ATP6V1E1: variants seen among roughly 807,000 people sequenced by gnomAD.
The protein encoded by ATP6V1E1 is V-type proton ATPase subunit E 1.
In ATP6V1E1, 21 loss-of-function variants were observed where a neutral mutation model predicts 35.2. That is an observed-to-expected ratio of 0.60 (90% CI 0.42 to 0.86). ATP6V1E1 has a LOEUF of 0.86. ATP6V1E1 is among the 40% of genes least tolerant of loss of function. The probability of loss-of-function intolerance (pLI) is 0.00; values close to 1 mark genes in which losing one functional copy is unlikely to be tolerated. For missense variants in ATP6V1E1, 183 were observed against 272.6 expected (o/e 0.67, Z 2.32); for synonymous variants, 83 against 87.8 (o/e 0.95, Z 0.30).
intron 7 of ATP6V1E1, among the ~76,000 whole-genome samples, chr22:17,596,351 G>A (rs1360279600): frequency 7.2e-5 from 11 of 152,098 alleles, no homozygotes; most frequent in Non-Finnish European, 1.3e-4. Context: ...GAACTGTGGC[G>A]AGGGCCTGGA....
chr22:17,592,318 A>T lies in ATP6V1E1; in HGVS notation c.*356T>A. 4.1e-6 allele frequency: 1 copy of T among 246,490 alleles called. No homozygotes were observed. Among genetic ancestry groups the T allele is most frequent in the Non-Finnish European group, 8.0e-6 (1 of 125,436 alleles). 15.3% of individuals were successfully genotyped at this position (246,490 alleles called of 1,614,324 possible). A position where few individuals can be genotyped will look rare whatever the true frequency, so the allele number is the denominator to read the frequency against. On this transcript the variant is annotated 3_prime_UTR_variant, in exon 9 of 9. Transcript: ENST00000253413. Reference sequence around the variant, plus strand: ...GTGTGCCACATGCGCCTTAAGCCTCAAGAGTGGGGACTGCAGGGCCAAACA... The same window carrying T: ...GTGTGCCACATGCGCCTTAAGCCTCTAGAGTGGGGACTGCAGGGCCAAACA...
intron 4 of ATP6V1E1, among the ~76,000 whole-genome samples, chr22:17,609,470 T>TTC (rs1184953215): frequency 9.1e-6 from 1 of 109,342 alleles, no homozygotes; most frequent in East Asian, 2.2e-4. Context: ...TGCTCTTTTT[T>TTC]TTTTTTTTTT....
chr22:17,603,767 T>C (rs1395834444), intron 4 of ATP6V1E1, among the ~76,000 whole-genome samples: 2 of 152,166 alleles, frequency 1.3e-5, no homozygotes, highest in Non-Finnish European at 2.9e-5. Context: ...TCCCAAACAT[T>C]TCAGATAAGG....
chr22:17,599,730 G>A (rs1056844941), intron 6 of ATP6V1E1, among the ~76,000 whole-genome samples: 29 of 151,648 alleles, frequency 1.9e-4, no homozygotes, highest in Admixed American at 4.6e-4. Flanking sequence ...GACCAGCCTG[G>A]CCAACATGGT....
At chr22:17,594,134 G>A (rs1411788384) in intron 8 of ATP6V1E1, among the ~76,000 whole-genome samples, 1 of 152,036 alleles carries the variant, frequency 6.6e-6, no homozygotes, top group Non-Finnish European at 1.5e-5. Flanking sequence ...CCTGGGAGGT[G>A]GAAGTTGCAG....
At chr22:17,595,920 G>A (rs2057729616) in intron 7 of ATP6V1E1, among the ~76,000 whole-genome samples, 1 of 151,938 alleles carries the variant, frequency 6.6e-6, no homozygotes, top group African/African-American at 2.4e-5. Flanking sequence ...CACGACATCA[G>A]GAGATTGAGA....
intron 7 of ATP6V1E1, among the ~76,000 whole-genome samples, chr22:17,596,045 T>C (rs1049248705): frequency 1.3e-5 from 2 of 151,894 alleles, no homozygotes; most frequent in African/African-American, 4.8e-5. Context: ...GGCAGGAGAA[T>C]GGTGTGAACC....
In ATP6V1E1 at chr22:17,593,056, G is replaced by A. The variant is rs891271178; in HGVS notation, c.619-320C>T. ...ACCCGCCTCGGCCTCCCACAGTGCT[G>A]GGATTACAGGCGTGAGCCACCAAGC... On this transcript the variant is annotated intron_variant, in intron 8 of 8. Coordinates refer to ENST00000253413, the MANE Select transcript of ATP6V1E1 (RefSeq NM_001696.4). Among the ~76,000 whole-genome samples, 7 of 152,174 alleles carry A rather than the reference G, an allele frequency of 4.6e-5. No individual in the cohort carries two copies. In the East Asian group the frequency reaches 1.4e-3, roughly 29 times the overall value.
chr22:17,619,534 G>GA lies in ATP6V1E1; in HGVS notation c.34-9dup, dbSNP rs771353650. 6.4e-7 allele frequency: 1 copy of GA among 1,567,142 alleles called. No individual in the cohort carries two copies. Among genetic ancestry groups the GA allele is most frequent in the Non-Finnish European group, 8.6e-7 (1 of 1,160,546 alleles). On this transcript the variant is annotated splice_polypyrimidine_tract_variant and intron_variant, in intron 1 of 8. Coordinates refer to ENST00000253413, the MANE Select transcript of ATP6V1E1 (RefSeq NM_001696.4). ...AGCCATCATATGCTTTATCTATAAG[G>GA]AAAAAAAGTTTTATTTTTTAGTTCA...
rs2057824310 is a variant in ATP6V1E1, at chr22:17,613,258, C to T, written c.162G>A (p.Met54Ile). The change falls in exon 3 of 9, where the codon ATG (methionine) becomes ATA (isoleucine). Residue 54 changes from methionine (M) to isoleucine (I), a missense_variant. Coordinates refer to ENST00000253413, the MANE Select transcript of ATP6V1E1 (RefSeq NM_001696.4). The stretch of plus-strand genomic sequence containing the variant: ...GTTTCTCTTTCTTCTCATAATATTC[C>T]ATAATCTTTAGTCTTTGGGTTTGCA... ...RLVQTQRLKI[M>I]EYYEKKEKQI... is the part of the protein sequence containing the mutation. 6.2e-7 allele frequency: 1 copy of T among 1,612,916 alleles called. No homozygotes were observed. Among genetic ancestry groups the T allele is most frequent in the African/African-American group, 1.3e-5 (1 of 74,874 alleles).
intron 7 of ATP6V1E1, chr22:17,595,104 A>G (rs1359850753): frequency 1.3e-5 from 2 of 152,044 alleles, no homozygotes; most frequent in African/African-American, 2.4e-5. Context: ...CAGGAGTGCA[A>G]TGGTGCGATC....
At chr22:17,619,406 A>G (rs2057863830) in intron 2 of ATP6V1E1, 55 bp downstream of exon 2, 1 of 1,473,832 alleles carries the variant, frequency 6.8e-7, no homozygotes, top group Admixed American at 2.0e-5. Flanking sequence ...TATTTAGCAA[A>G]GCAAAACAAT....
Position 17,613,327 on chromosome 22 carries a change from G to A in ATP6V1E1, c.100-7C>T. 3 of 1,607,786 alleles carry A rather than the reference G, an allele frequency of 1.9e-6. No individual in the cohort carries two copies. Among genetic ancestry groups the A allele is most frequent in the Non-Finnish European group, 1.7e-6 (2 of 1,174,712 alleles). On this transcript the variant is annotated splice_region_variant and splice_polypyrimidine_tract_variant and intron_variant, in intron 2 of 8. Coordinates refer to ENST00000253413, the MANE Select transcript of ATP6V1E1 (RefSeq NM_001696.4). ...TGTTGAACTCTTCTTCTGCCTAGAG[G>A]GAAATTAGTCAATATTAATTCATTA...
At chr22:17,613,692 G>A (rs946053458) in intron 2 of ATP6V1E1, among the ~76,000 whole-genome samples, 1 of 152,252 alleles carries the variant, frequency 6.6e-6, no homozygotes, top group African/African-American at 2.4e-5. Context: ...TCCTGGCCGG[G>A]TGCGGTGGCT....
intron 4 of ATP6V1E1, among the ~76,000 whole-genome samples, chr22:17,601,594 C>T (rs984524203): frequency 6.6e-6 from 1 of 152,114 alleles, no homozygotes; most frequent in Non-Finnish European, 1.5e-5. Context: ...GGCCAGATTA[C>T]GAATAATTTC....
At chr22:17,605,467 G>A (rs1331171868) in intron 4 of ATP6V1E1, among the ~76,000 whole-genome samples, 1 of 151,538 alleles carries the variant, frequency 6.6e-6, no homozygotes, top group Non-Finnish European at 1.5e-5. Context: ...GAGGCGGGGG[G>A]TGCAGTGAGC....
In ATP6V1E1 at chr22:17,592,806, T is replaced by C; in HGVS notation, c.619-70A>G. On this transcript the variant is annotated intron_variant, in intron 8 of 8. Coordinates refer to ENST00000253413, the MANE Select transcript of ATP6V1E1 (RefSeq NM_001696.4). Reference sequence around the variant, plus strand: ...GTTGTAGAGCGCTGCACATCTTTTTTTTTTTTTTTTTTTTGAGACGGAGTC... The same window carrying C: ...GTTGTAGAGCGCTGCACATCTTTTTCTTTTTTTTTTTTTTGAGACGGAGTC... The C allele has an allele frequency of 2.8e-5, 38 of 1,339,278 alleles. No homozygotes were observed. In the African/African-American group the frequency reaches 4.4e-4, roughly 15 times the overall value. The allele number at this position is 1,339,278 out of a possible 1,614,324, so 83.0% of individuals were successfully genotyped here.
rs559441774 is a variant in ATP6V1E1, at chr22:17,601,703, T to G, written c.277-522A>C. On this transcript the variant is annotated intron_variant, in intron 4 of 8. Transcript: ENST00000253413. Reference sequence around the variant, plus strand: ...GCTCACTGCAACCTCCACCCATGGGTTCAAGCAATTCTCCTGCCTCAGCCT... The same window carrying G: ...GCTCACTGCAACCTCCACCCATGGGGTCAAGCAATTCTCCTGCCTCAGCCT... Among the ~76,000 whole-genome samples, 557 of 151,976 alleles carry G rather than the reference T, an allele frequency of 3.7e-3. 2 individuals are homozygous for G. The highest frequency in any genetic ancestry group is 0.013 in the African/African-American group (524 of 41,456).
chr22:17,593,898 A>G (rs2057717484), intron 8 of ATP6V1E1, among the ~76,000 whole-genome samples: 1 of 152,158 alleles, frequency 6.6e-6, no homozygotes, highest in South Asian at 2.1e-4. Context: ...GCTTTATGAT[A>G]ATTCCTTTAA....
Sources: allele counts gnomAD v4.1 joint callset (sites outside exome capture counted in the v4.1 genomes callset), GRCh38; gene constraint gnomAD v4.1.1; transcripts MANE v1.5; gene names NCBI Gene and HGNC (gene_info 2026-07-23, HGNC 2026-07-21).